Variants in AGBL1 observed in about 807,000 individuals in gnomAD.
AGBL1 encodes the protein AGBL carboxypeptidase 1, also known as cytosolic carboxypeptidase 4.
In AGBL1, 130 loss-of-function variants were observed where a neutral mutation model predicts 118.9. The observed-to-expected ratio is 1.09, with a 90% CI of 0.95 to 1.26. AGBL1 has a LOEUF of 1.26. Ranked by LOEUF, AGBL1 falls within the 50% of genes most tolerant of loss-of-function variation. The pLI, the probability that AGBL1 is intolerant of heterozygous loss-of-function variation, is 0.00. For missense variants in AGBL1, 1,584 were observed against 1,298.1 expected, an observed-to-expected ratio of 1.22 and a Z score of -3.38; for synonymous variants, 555 against 478.9, an observed-to-expected ratio of 1.16 and a Z score of -2.08.
rs188904664 is a variant in AGBL1, at chr15:86,385,794, T to A, written c.2375-11572T>A. Among the ~76,000 whole-genome samples the A allele has an allele frequency of 5.1e-3, 775 of 152,280 alleles. 5 individuals are homozygous for A. Among genetic ancestry groups the A allele is most frequent in the African/African-American group, 0.018 (740 of 41,570 alleles). ...ATGGGCGACCACTATCCAGTCCAAA[T>A]AATTTAAAGTGATGTGTGCATCCTT... On this transcript the variant is annotated intron_variant, in intron 17 of 22. Transcript: ENST00000614907.
intron 17 of AGBL1, among the ~76,000 whole-genome samples, chr15:86,338,512 G>A (rs985168182): frequency 2.0e-5 from 2 of 98,062 alleles, no homozygotes; most frequent in Non-Finnish European, 4.3e-5. Flanking sequence ...TGTTATGAGG[G>A]CACTGTGAAG....
chr15:86,914,089 G>T lies in AGBL1; in HGVS notation c.*6795G>T, dbSNP rs1387140696. On this transcript the variant is annotated 3_prime_UTR_variant, in exon 23 of 23. Coordinates refer to ENST00000614907, the MANE Select transcript of AGBL1 (RefSeq NM_001386094.1). Reference sequence around the variant, plus strand: ...CTGAGTGTAGCCCTGGTCTTGAAGGGCAGGGCAAGACATGGCATTGAGTTC... The same window carrying T: ...CTGAGTGTAGCCCTGGTCTTGAAGGTCAGGGCAAGACATGGCATTGAGTTC... 2.0e-5 allele frequency: 3 copies of T among 152,200 alleles called. No homozygotes were observed. Among genetic ancestry groups the T allele is most frequent in the Non-Finnish European group, 4.4e-5 (3 of 68,036 alleles). The allele number at this position is 152,200 out of a possible 1,614,324, so 9.4% of individuals were successfully genotyped here.
At chr15:86,675,533 T>C (rs999088805) in intron 22 of AGBL1, among the ~76,000 whole-genome samples, 4 of 152,144 alleles carry the variant, frequency 2.6e-5, no homozygotes, top group African/African-American at 9.7e-5. Flanking sequence ...GCAGGGCTCT[T>C]TCCATAGAGC....
At chr15:86,396,159 AT>A (rs2081358011) in intron 17 of AGBL1, among the ~76,000 whole-genome samples, 1 of 147,814 alleles carries the variant, frequency 6.8e-6, no homozygotes, top group Non-Finnish European at 1.5e-5. Context: ...ATATATATAT[AT>A]ATAAAATCAT....
chr15:87,021,898 A>G (rs1414792070), intron 24 of AGBL1, among the ~76,000 whole-genome samples: 1 of 152,284 alleles, frequency 6.6e-6, no homozygotes. Context: ...TTGCTCCTGC[A>G]GGACCCAGGA....
At position 86,450,696 on chromosome 15, in the gene AGBL1, G is replaced by T. The variant is rs1297202892; in HGVS notation, c.2555+53150G>T. Reference sequence around the variant, plus strand: ...TCTGGCTTAGTTATGTACTGACTGTGACTTTGAAGAGGCTAATTCACTTCT... The same window carrying T: ...TCTGGCTTAGTTATGTACTGACTGTTACTTTGAAGAGGCTAATTCACTTCT... On this transcript the variant is annotated intron_variant, in intron 18 of 22. Coordinates refer to ENST00000614907, the MANE Select transcript of AGBL1 (RefSeq NM_001386094.1). Among the ~76,000 whole-genome samples the T allele has an allele frequency of 2.0e-5, 3 of 152,194 alleles. No homozygotes were observed. The East Asian group carries it at 5.8e-4, about 29-fold the overall frequency.
intron 21 of AGBL1, among the ~76,000 whole-genome samples, chr15:86,616,081 A>G (rs978094948): frequency 6.6e-6 from 1 of 152,136 alleles, no homozygotes; most frequent in Non-Finnish European, 1.5e-5. Context: ...TCACCCCTGT[A>G]ATCCCAGCGC....
chr15:86,182,903 A>C (rs1012794607), intron 5 of AGBL1, among the ~76,000 whole-genome samples: 1 of 152,198 alleles, frequency 6.6e-6, no homozygotes, highest in Non-Finnish European at 1.5e-5. Flanking sequence ...GTAGTGGAAC[A>C]GGTCTATACC....
At chr15:86,332,060 A>T (rs1385928536) in intron 17 of AGBL1, among the ~76,000 whole-genome samples, 1 of 151,930 alleles carries the variant, frequency 6.6e-6, no homozygotes, top group Non-Finnish European at 1.5e-5. Flanking sequence ...CATAGCCTCA[A>T]AGTAAAGGAC....
intron 23 of AGBL1, among the ~76,000 whole-genome samples, chr15:86,977,530 C>T (rs1308072259): frequency 6.6e-6 from 1 of 151,250 alleles, no homozygotes; most frequent in Middle Eastern, 3.3e-3. Flanking sequence ...TGAAAAAAAG[C>T]TGTTTATTTT....
intron 18 of AGBL1, among the ~76,000 whole-genome samples, chr15:86,410,850 ATTTT>A (rs2081603415): frequency 9.3e-6 from 1 of 107,960 alleles, no homozygotes. Flanking sequence ...ATAATATACT[ATTTT>A]ATATATAAAA....
intron 17 of AGBL1, among the ~76,000 whole-genome samples, chr15:86,327,677 G>A (rs1471861152): frequency 4.6e-5 from 7 of 152,290 alleles, no homozygotes; most frequent in Non-Finnish European, 7.4e-5. Flanking sequence ...ATTTTGAGGT[G>A]AGTCATAGGA....
chr15:86,784,658 C>T (rs1371252812), intron 22 of AGBL1, among the ~76,000 whole-genome samples: 1 of 152,174 alleles, frequency 6.6e-6, no homozygotes, highest in Non-Finnish European at 1.5e-5. Flanking sequence ...CAGTTTCCCA[C>T]CACTCTCTGA....
intron 18 of AGBL1, among the ~76,000 whole-genome samples, chr15:86,469,786 GAT>G (rs1244611995): frequency 1.3e-5 from 2 of 152,162 alleles, no homozygotes; most frequent in East Asian, 3.9e-4. Flanking sequence ...GGTATGAGGT[GAT>G]ATCTCATTGT....
chr15:86,966,976 C>A (rs528930062), intron 23 of AGBL1, among the ~76,000 whole-genome samples: 1 of 152,190 alleles, frequency 6.6e-6, no homozygotes, highest in South Asian at 2.1e-4. Flanking sequence ...TCCACATCCT[C>A]TCCAGTACCT....
At chr15:86,704,998 T>A (rs565145649) in intron 22 of AGBL1, among the ~76,000 whole-genome samples, 2 of 152,246 alleles carry the variant, frequency 1.3e-5, no homozygotes, top group Admixed American at 1.3e-4. Context: ...TGGATGAAGC[T>A]GGAAACCATC....
chr15:86,814,346 A>G (rs1021925306), intron 22 of AGBL1, among the ~76,000 whole-genome samples: 2 of 152,172 alleles, frequency 1.3e-5, no homozygotes, highest in East Asian at 3.8e-4. Context: ...ATCTGTGGAA[A>G]CATCATCTTC....
chr15:86,224,889 G>A (rs747380604), intron 5 of AGBL1, 25 bp from the exon 6 acceptor site: 3 of 1,612,452 alleles, frequency 1.9e-6, no homozygotes, highest in Non-Finnish European at 2.5e-6. Flanking sequence ...AATGTTGACT[G>A]TTACTTTTCT....
intron 17 of AGBL1, among the ~76,000 whole-genome samples, chr15:86,354,809 T>G (rs2080686963): frequency 2.0e-5 from 3 of 152,140 alleles, no homozygotes; most frequent in Non-Finnish European, 4.4e-5. Flanking sequence ...TGTGGATTAT[T>G]AAAGCAAGCC....
Sources: allele counts gnomAD v4.1 joint callset (sites outside exome capture counted in the v4.1 genomes callset), GRCh38; gene constraint gnomAD v4.1.1; transcripts MANE v1.5; gene names NCBI Gene and HGNC (gene_info 2026-07-23, HGNC 2026-07-21).